Variants in KCNU1 observed in about 807,000 individuals in gnomAD.
The protein encoded by KCNU1 is potassium calcium-activated channel subfamily U member 1, also known as potassium channel subfamily U member 1.
KCNU1 carries 93 observed loss-of-function variants against 126.8 expected under a neutral mutation model. The ratio of observed to expected loss-of-function variants is 0.73; its 90% CI spans 0.62 to 0.87. The LOEUF is 0.87. Among genes scored for constraint, KCNU1 ranks in the 40% least tolerant of loss-of-function variants. The pLI is 0.00. For missense variants in KCNU1, 1,330 were observed against 1,367.1 expected (o/e 0.97, Z 0.43); for synonymous variants, 523 against 494.2 (o/e 1.06, Z -0.77).
chr8:36,864,344 A>G (rs1805826986), intron 18 of KCNU1, 60 bp from the exon 19 acceptor site: 4 of 1,065,606 alleles, frequency 3.8e-6, no homozygotes, highest in Middle Eastern at 2.0e-4. Context: ...CAAGGGGAAT[A>G]TTCCAACAAT....
chr8:36,928,832 AC>A (rs1202445526), intron 24 of KCNU1: 7 of 566,998 alleles, frequency 1.2e-5, no homozygotes, highest in Non-Finnish European at 1.9e-5. Flanking sequence ...TGATCTGAGG[AC>A]AACCAGTGTC....
At chr8:36,911,787 T>A (rs1807885406) in intron 22 of KCNU1, among the ~76,000 whole-genome samples, 1 of 152,168 alleles carries the variant, frequency 6.6e-6, no homozygotes, top group South Asian at 2.1e-4. Flanking sequence ...AACAAATACT[T>A]GTTGAATTGC....
At position 36,843,112 on chromosome 8, in the gene KCNU1, G is replaced by A. The variant is rs139207014; in HGVS notation, c.1703+2109G>A. ...TGGAATCTGGAAACTACAACCACATGCCCTTAAGATCTTTTCCACCTTTAA... is the reference window on the plus strand; with the variant it reads ...TGGAATCTGGAAACTACAACCACATACCCTTAAGATCTTTTCCACCTTTAA... On this transcript the variant is annotated intron_variant, in intron 16 of 26. Coordinates refer to ENST00000399881, the MANE Select transcript of KCNU1 (RefSeq NM_001031836.3). Among the ~76,000 whole-genome samples the A allele has an allele frequency of 8.5e-5, 13 of 152,200 alleles. No individual in the cohort carries two copies. In the East Asian group the frequency reaches 2.3e-3, roughly 27 times the overall value.
chr8:36,833,500 C>A, intron 10 of KCNU1, 54 bp from the exon 11 acceptor site: 5 of 1,043,562 alleles, frequency 4.8e-6, no homozygotes, highest in Non-Finnish European at 7.5e-6. Flanking sequence ...AACCTCTAAA[C>A]CCAGAGTCAA....
intron 1 of KCNU1, among the ~76,000 whole-genome samples, 198 bp from the exon 2 acceptor site, chr8:36,787,108 C>G (rs776442466): frequency 2.6e-5 from 4 of 152,058 alleles, no homozygotes. Context: ...AAAAGCTGTG[C>G]AGAAAACCAG....
chr8:36,842,235 T>C (rs542170492), intron 16 of KCNU1, among the ~76,000 whole-genome samples: 22 of 152,284 alleles, frequency 1.4e-4, no homozygotes, highest in Non-Finnish European at 2.9e-4. Flanking sequence ...TGTAAAATTA[T>C]AGGAAAACAT....
At chr8:36,861,235 G>A (rs7001313) in intron 18 of KCNU1, among the ~76,000 whole-genome samples, 40,387 of 152,144 alleles carry the variant, frequency 0.27, 5,658 homozygotes, top group Admixed American at 0.36. Flanking sequence ...TAAAGACCCT[G>A]CACAGATATA....
intron 24 of KCNU1, among the ~76,000 whole-genome samples, chr8:36,929,772 A>G (rs7464408): frequency 0.58 from 87,583 of 151,898 alleles, 25,307 homozygotes; most frequent in Middle Eastern, 0.62. Flanking sequence ...AGATCCTGAA[A>G]GTTTTGAAGG....
intron 24 of KCNU1, among the ~76,000 whole-genome samples, chr8:36,929,279 G>C (rs1808624992): frequency 6.6e-6 from 1 of 151,646 alleles, no homozygotes; most frequent in Non-Finnish European, 1.5e-5. Flanking sequence ...AGCTACTTGG[G>C]AGGCTGAGGC....
chr8:36,794,747 C>T (rs1049183071), intron 2 of KCNU1, among the ~76,000 whole-genome samples: 2 of 151,874 alleles, frequency 1.3e-5, no homozygotes, highest in African/African-American at 4.8e-5. Flanking sequence ...CATAGTGAGA[C>T]CTCATTTGTA....
intron 10 of KCNU1, among the ~76,000 whole-genome samples, chr8:36,819,456 A>G (rs942423879): frequency 4.6e-5 from 7 of 152,298 alleles, no homozygotes; most frequent in Middle Eastern, 3.4e-3. Flanking sequence ...CTCAATCCTT[A>G]TATACATTTT....
At chr8:36,905,550 A>G (rs1807590812) in intron 19 of KCNU1, among the ~76,000 whole-genome samples, 158 bp from the exon 20 acceptor site, 1 of 151,600 alleles carries the variant, frequency 6.6e-6, no homozygotes, top group South Asian at 2.1e-4. Flanking sequence ...TGTGCTCTTC[A>G]GACCTAAGCC....
At chr8:36,785,174 G>C (rs567654245) in intron 1 of KCNU1, among the ~76,000 whole-genome samples, 1 of 152,172 alleles carries the variant, frequency 6.6e-6, no homozygotes, top group Non-Finnish European at 1.5e-5. Context: ...CTTAGCAGGA[G>C]TTGATGTTGT....
At chr8:36,863,457 C>T (rs1805797789) in intron 18 of KCNU1, among the ~76,000 whole-genome samples, 1 of 152,162 alleles carries the variant, frequency 6.6e-6, no homozygotes, top group African/African-American at 2.4e-5. Flanking sequence ...AACTTCTGCT[C>T]AGACAATCTC....
At chr8:36,802,770 G>T (rs950115120) in intron 2 of KCNU1, among the ~76,000 whole-genome samples, 7 of 152,184 alleles carry the variant, frequency 4.6e-5, no homozygotes, top group African/African-American at 1.7e-4. Context: ...TATTTTCAAA[G>T]TATTTCACTT....
At chr8:36,798,110 T>A (rs1274662284) in intron 2 of KCNU1, among the ~76,000 whole-genome samples, 3 of 152,176 alleles carry the variant, frequency 2.0e-5, no homozygotes, top group African/African-American at 7.2e-5. Context: ...TTTCCATTTT[T>A]TTTTCTTCCA....
At chr8:36,872,020 G>A (rs1452009257) in intron 19 of KCNU1, among the ~76,000 whole-genome samples, 1 of 151,982 alleles carries the variant, frequency 6.6e-6, no homozygotes. Flanking sequence ...GACTTGCATA[G>A]TTTCCAAGAA....
At chr8:36,803,926 A>G (rs1476941255) in intron 2 of KCNU1, 101 bp from the exon 3 acceptor site, 3 of 754,146 alleles carry the variant, frequency 4.0e-6, no homozygotes. Flanking sequence ...ATAAATGGCT[A>G]CACGTACACA....
chr8:36,898,898 C>T (rs911473893), intron 19 of KCNU1, among the ~76,000 whole-genome samples: 2 of 152,028 alleles, frequency 1.3e-5, no homozygotes, highest in African/African-American at 4.8e-5. Context: ...GGCACAGACT[C>T]TGACTTTTAT....
Sources: allele counts gnomAD v4.1 joint callset (sites outside exome capture counted in the v4.1 genomes callset), GRCh38; gene constraint gnomAD v4.1.1; transcripts MANE v1.5; gene names NCBI Gene and HGNC (gene_info 2026-07-23, HGNC 2026-07-21).